The following TBC1D5 variants were observed in gnomAD, a reference collection of about 807,000 sequenced individuals.
The protein encoded by TBC1D5 is TBC1 domain family, member 5.
TBC1D5 carries 75 observed loss-of-function variants against 100.3 expected under a neutral mutation model. That is an observed-to-expected ratio of 0.75 (90% CI 0.62 to 0.91). The LOEUF (loss-of-function observed/expected upper bound fraction) is 0.91, where lower values mean the gene tolerates loss of function less well. TBC1D5 is among the 40% of genes least tolerant of loss of function. TBC1D5 has a pLI of 0.00. For missense variants in TBC1D5, 910 were observed against 942.4 expected, an observed-to-expected ratio of 0.97 and a Z score of 0.45; for synonymous variants, 323 against 325.6, an observed-to-expected ratio of 0.99 and a Z score of 0.09.
chr3:17,704,999 G>A (rs1336024304), intron 1 of TBC1D5, among the ~76,000 whole-genome samples: 15 of 133,556 alleles, frequency 1.1e-4, no homozygotes, highest in Admixed American at 2.8e-4. Flanking sequence ...GCCGGGCGGA[G>A]GGCTGACCCC....
intron 3 of TBC1D5, among the ~76,000 whole-genome samples, chr3:17,497,935 A>T (rs557275483): frequency 2.0e-5 from 3 of 152,172 alleles, no homozygotes; most frequent in Non-Finnish European, 4.4e-5. Context: ...AGGAAAAACA[A>T]AATAGTCACT....
At chr3:17,615,147 G>A (rs1184598298) in intron 2 of TBC1D5, among the ~76,000 whole-genome samples, 5 of 152,102 alleles carry the variant, frequency 3.3e-5, no homozygotes, top group South Asian at 2.1e-4. Context: ...ATAATCATGT[G>A]GTTTTTGTTG....
intron 14 of TBC1D5, among the ~76,000 whole-genome samples, chr3:17,300,089 C>T (rs1377272538): frequency 7.9e-5 from 12 of 152,030 alleles, no homozygotes; most frequent in African/African-American, 2.9e-4. Flanking sequence ...TATGGTATAT[C>T]AGCCTTTGTT....
intron 1 of TBC1D5, among the ~76,000 whole-genome samples, chr3:17,732,967 A>G (rs916551121): frequency 1.6e-4 from 24 of 152,176 alleles, no homozygotes; most frequent in African/African-American, 5.3e-4. Context: ...GAAACTGATC[A>G]GGACCACTTC....
intron 16 of TBC1D5, among the ~76,000 whole-genome samples, chr3:17,257,717 G>A (rs908071426): frequency 2.0e-5 from 3 of 152,150 alleles, no homozygotes; most frequent in African/African-American, 7.2e-5. Context: ...TAACTCTCCA[G>A]TAACAGCAGA....
chr3:17,665,557 T>G (rs2067169841), intron 1 of TBC1D5, among the ~76,000 whole-genome samples: 1 of 152,192 alleles, frequency 6.6e-6, no homozygotes, highest in Non-Finnish European at 1.5e-5. Flanking sequence ...GCCTCTTGCT[T>G]TATATTCTAT....
intron 17 of TBC1D5, among the ~76,000 whole-genome samples, chr3:17,234,855 G>T (rs958578100): frequency 6.6e-6 from 1 of 152,078 alleles, no homozygotes; most frequent in Non-Finnish European, 1.5e-5. Flanking sequence ...AAACTGTTAA[G>T]TTGTAATTAT....
intron 2 of TBC1D5, among the ~76,000 whole-genome samples, chr3:17,570,117 T>C (rs2096617695): frequency 6.6e-6 from 1 of 151,996 alleles, no homozygotes. Flanking sequence ...GTATGAAACA[T>C]ACAGACTCTG....
At chr3:17,645,292 G>GGA (rs1342271531) in intron 1 of TBC1D5, among the ~76,000 whole-genome samples, 1 of 152,042 alleles carries the variant, frequency 6.6e-6, no homozygotes, top group Non-Finnish European at 1.5e-5. Context: ...GAGATACAGA[G>GGA]GAGAGTAGTA....
At chr3:17,692,095 T>C (rs1303731357) in intron 1 of TBC1D5, among the ~76,000 whole-genome samples, 1 of 136,854 alleles carries the variant, frequency 7.3e-6, no homozygotes, top group East Asian at 2.0e-4. Context: ...ACATAAGTAC[T>C]TTTTTTCTTT....
intron 1 of TBC1D5, among the ~76,000 whole-genome samples, chr3:17,695,516 G>A (rs1182935986): frequency 6.6e-6 from 1 of 152,100 alleles, no homozygotes; most frequent in Non-Finnish European, 1.5e-5. Context: ...ATTACATAAT[G>A]GTAAAGGGAT....
In TBC1D5 at chr3:17,540,558, G is replaced by C. The variant is rs147929267; in HGVS notation, c.-35-31953C>G. On this transcript the variant is annotated intron_variant, in intron 2 of 21. Transcript: ENST00000253692. Reference sequence around the variant, plus strand: ...ATGTGGCTATCCCGTTTTCCCAGCAGCATTTGTTGAAAAGACTATCTTTTC... The same window carrying C: ...ATGTGGCTATCCCGTTTTCCCAGCACCATTTGTTGAAAAGACTATCTTTTC... 2.7e-4 allele frequency among the ~76,000 whole-genome samples: 41 copies of C among 152,100 alleles called. No individual in the cohort carries two copies. The East Asian group carries it at 3.7e-3, about 14-fold the overall frequency.
At chr3:17,215,540 T>C (rs921854395) in intron 17 of TBC1D5, among the ~76,000 whole-genome samples, 29 of 151,968 alleles carry the variant, frequency 1.9e-4, no homozygotes, top group African/African-American at 7.0e-4. Flanking sequence ...GATATCCAAA[T>C]AGAGATGCCA....
chr3:17,397,125 A>G (rs1489115227), intron 8 of TBC1D5, among the ~76,000 whole-genome samples: 1 of 152,102 alleles, frequency 6.6e-6, no homozygotes, highest in Non-Finnish European at 1.5e-5. Context: ...GCACATATCT[A>G]TAATTTTTAA....
At chr3:17,520,606 G>A (rs1316072449) in intron 2 of TBC1D5, among the ~76,000 whole-genome samples, 3 of 151,824 alleles carry the variant, frequency 2.0e-5, no homozygotes, top group Admixed American at 6.6e-5. Flanking sequence ...TAGAATTAGG[G>A]TACAATCAAT....
intron 1 of TBC1D5, among the ~76,000 whole-genome samples, chr3:17,670,931 A>T (rs2067866346): frequency 6.6e-6 from 1 of 152,236 alleles, no homozygotes; most frequent in Non-Finnish European, 1.5e-5. Flanking sequence ...GAGGGTGTGC[A>T]GATATCTAGC....
intron 3 of TBC1D5, among the ~76,000 whole-genome samples, chr3:17,446,902 C>T (rs1203537030): frequency 1.3e-5 from 2 of 148,768 alleles, no homozygotes; most frequent in Non-Finnish European, 3.0e-5. Flanking sequence ...ACCTGGGAGG[C>T]GGAGCTTGCA....
chr3:17,233,745 C>T (rs781630597), intron 17 of TBC1D5: 23 of 1,541,252 alleles, frequency 1.5e-5, no homozygotes, highest in South Asian at 1.2e-5. Context: ...CCTGTAACTA[C>T]ATCGCCTGGA....
intron 3 of TBC1D5, among the ~76,000 whole-genome samples, chr3:17,458,327 G>A (rs1246665529): frequency 3.3e-5 from 5 of 152,070 alleles, no homozygotes; most frequent in East Asian, 3.8e-4. Flanking sequence ...TTGTTGCAGC[G>A]CTTCTGACAA....
Sources: gnomAD v4.1 joint callset for allele counts (sites outside exome capture counted in the v4.1 genomes callset) on GRCh38, gnomAD v4.1.1 for gene constraint, MANE v1.5 for transcripts, NCBI Gene and HGNC (gene_info 2026-07-23, HGNC 2026-07-21) for gene names.